Variants in KIF5C observed in about 807,000 individuals in gnomAD.
KIF5C encodes kinesin family member 5C, also known as kinesin heavy chain isoform 5C.
Under a neutral mutation model 125.2 loss-of-function variants are expected in KIF5C, and 18 were observed. The observed-to-expected ratio is 0.14, with a 90% CI of 0.10 to 0.21. The LOEUF is 0.21. Ranked by LOEUF, KIF5C falls within the 10% of genes least tolerant of loss-of-function variation. The pLI is 1.00. For missense variants in KIF5C, 780 were observed against 1,183.8 expected (o/e 0.66, Z 5.01); for synonymous variants, 405 against 434.0 (o/e 0.93, Z 0.83).
In KIF5C at chr2:149,000,531, G is replaced by T. The variant is rs762208643; in HGVS notation, c.2312+7G>T. On this transcript the variant is annotated splice_region_variant and intron_variant, in intron 20 of 25. Transcript: ENST00000435030. ...TGAAGCTGGAAAAGCTCTTGTGAGT[G>T]CACTCTAAATATTTCCTCTATTTTC... 12 of 1,556,632 alleles carry T rather than the reference G, an allele frequency of 7.7e-6. No individual in the cohort carries two copies. In the South Asian group the frequency reaches 8.3e-5, roughly 11 times the overall value.
chr2:148,881,719 C>CAGGTTTCCCACCTGTG (rs1558869803), intron 1 of KIF5C, among the ~76,000 whole-genome samples: 1 of 151,612 alleles, frequency 6.6e-6, no homozygotes, highest in African/African-American at 2.4e-5. Context: ...GTCCTTACCT[C>CAGGTTTCCCACCTGTG]TAAATCATCG....
chr2:148,880,928 AGAT>A (rs1349718054), intron 1 of KIF5C, among the ~76,000 whole-genome samples: 1 of 150,132 alleles, frequency 6.7e-6, no homozygotes, highest in African/African-American at 2.5e-5. Context: ...AACCGAGTGT[AGAT>A]TCACTAGCTA....
In KIF5C at chr2:149,010,285, G is replaced by A. The variant is rs1351733624; in HGVS notation, c.2701G>A (p.Val901Met). The A allele has an allele frequency of 1.3e-6, 2 of 1,597,068 alleles. No individual in the cohort carries two copies. Among genetic ancestry groups the A allele is most frequent in the Admixed American group, 3.5e-5 (2 of 57,818 alleles). The change falls in exon 24 of 26, where the codon GTG becomes ATG. Residue 901 changes from valine (V) to methionine (M), a missense_variant. Around this residue, in one of 2 missense-constraint regions of KIF5C, gnomAD observed 573 missense variants for 742.6 expected, o/e 0.77. Coordinates refer to ENST00000435030, the MANE Select transcript of KIF5C (RefSeq NM_004522.3). Reference sequence around the variant, plus strand: ...GGACCGTAAGCGCTACCAGCAGGAGGTGGATCGTATCAAGGAGGCCGTGCG... The same window carrying A: ...GGACCGTAAGCGCTACCAGCAGGAGATGGATCGTATCAAGGAGGCCGTGCG... ...MRDRKRYQQE[V>M]DRIKEAVRAK...
intron 3 of KIF5C, among the ~76,000 whole-genome samples, chr2:148,934,112 CACATA>C (rs1682235614): frequency 6.6e-6 from 1 of 150,978 alleles, no homozygotes; most frequent in African/African-American, 2.4e-5. Flanking sequence ...ACAGACACAC[CACATA>C]ACATACTGCA....
rs917733682 is a variant in KIF5C at position 149,026,686 on chromosome 2, G to A, written c.*3616G>A. The A allele has an allele frequency of 6.6e-6, 1 of 152,576 alleles. No homozygotes were observed. The highest frequency in any genetic ancestry group is 2.4e-5 in the African/African-American group (1 of 41,418). 9.5% of individuals were successfully genotyped at this position (152,576 alleles called of 1,614,324 possible). On this transcript the variant is annotated 3_prime_UTR_variant, in exon 26 of 26. Transcript: ENST00000435030. ...CTAGGTTCTAAAATGAAGATGTATG[G>A]GTACTCTGGCAGACTGCATGTTGTA...
chr2:148,935,881 AG>A (rs1682279769), intron 3 of KIF5C, among the ~76,000 whole-genome samples: 1 of 152,218 alleles, frequency 6.6e-6, no homozygotes, highest in Non-Finnish European at 1.5e-5. Context: ...CCCTATCTTT[AG>A]GAAGTATGCA....
chr2:149,004,375 C>T (rs1174970863), intron 21 of KIF5C, among the ~76,000 whole-genome samples: 1 of 152,178 alleles, frequency 6.6e-6, no homozygotes, highest in East Asian at 1.9e-4. Flanking sequence ...TTAGCTCTCT[C>T]CTCTTCCTCT....
chr2:148,899,545 T>C (rs922811173), intron 1 of KIF5C, among the ~76,000 whole-genome samples: 1 of 151,178 alleles, frequency 6.6e-6, no homozygotes, highest in Non-Finnish European at 1.5e-5. Context: ...CTACTAAAAA[T>C]ACAAAAAATC....
intron 7 of KIF5C, among the ~76,000 whole-genome samples, chr2:148,945,310 T>G (rs1380680329): frequency 6.6e-6 from 1 of 152,174 alleles, no homozygotes; most frequent in African/African-American, 2.4e-5. Flanking sequence ...AATTTTTGCA[T>G]GTACTCTAAG....
chr2:148,913,665 T>C (rs1324864482), intron 1 of KIF5C, among the ~76,000 whole-genome samples: 2 of 152,184 alleles, frequency 1.3e-5, no homozygotes, highest in Non-Finnish European at 2.9e-5. Flanking sequence ...AGCGCCATCA[T>C]GAGACTCAGC....
At chr2:148,955,345 A>G (rs1682767007) in intron 10 of KIF5C, among the ~76,000 whole-genome samples, 1 of 152,206 alleles carries the variant, frequency 6.6e-6, no homozygotes, top group Non-Finnish European at 1.5e-5. Context: ...AGCACTTACA[A>G]TCAGCTGACT....
Position 148,875,609 on chromosome 2 carries a change from C to A in KIF5C, c.-9C>A. On this transcript the variant is annotated 5_prime_UTR_variant, in exon 1 of 26. Transcript: ENST00000435030. ...CCATCCCCGTGCCCCCTCCCTACCGCCGGCCGAGATGGCGGATCCAGCCGA... is the reference window on the plus strand; with the variant it reads ...CCATCCCCGTGCCCCCTCCCTACCGACGGCCGAGATGGCGGATCCAGCCGA... 6.5e-7 allele frequency: 1 copy of A among 1,543,454 alleles called. No homozygotes were observed. Among genetic ancestry groups the A allele is most frequent in the Non-Finnish European group, 8.7e-7 (1 of 1,143,932 alleles).
At chr2:148,954,887 A>G (rs78948179) in intron 10 of KIF5C, among the ~76,000 whole-genome samples, 1 of 152,138 alleles carries the variant, frequency 6.6e-6, no homozygotes, top group Non-Finnish European at 1.5e-5. Context: ...CTACACTTTG[A>G]CATGAAAGAA....
chr2:148,948,679 C>G (rs891369380), intron 8 of KIF5C, among the ~76,000 whole-genome samples: 3 of 120,818 alleles, frequency 2.5e-5, no homozygotes, highest in African/African-American at 1.1e-4. Context: ...GTTCCCGTCT[C>G]CCCTGAATGG....
rs766711429 is a variant in KIF5C at position 148,924,407 on chromosome 2, T to C, written c.217+2180T>C. Among the ~76,000 whole-genome samples, 1 of 152,188 alleles carries C rather than the reference T, an allele frequency of 6.6e-6. No individual in the cohort carries two copies. Among genetic ancestry groups the C allele is most frequent in the Non-Finnish European group, 1.5e-5 (1 of 68,026 alleles). On this transcript the variant is annotated intron_variant, in intron 2 of 25. Coordinates refer to ENST00000435030, the MANE Select transcript of KIF5C (RefSeq NM_004522.3). This position sits in a 1 kb window ranked among gnomAD's most constrained non-coding sequence, Gnocchi z 4.0. ...CAAGTCCATCTAAACTCTTAATGAT[T>C]TGGAGCATCTGGGAGGCTCCATTTA...
At chr2:148,965,582 C>T (rs1452190737) in intron 11 of KIF5C, among the ~76,000 whole-genome samples, 1 of 152,142 alleles carries the variant, frequency 6.6e-6, no homozygotes, top group East Asian at 1.9e-4. Context: ...ATGGAGGGGG[C>T]AGAGCTACCT....
At chr2:148,980,536 A>G (rs987216831) in intron 13 of KIF5C, among the ~76,000 whole-genome samples, 3 of 152,186 alleles carry the variant, frequency 2.0e-5, no homozygotes, top group East Asian at 1.9e-4. Context: ...GTTAAAAAAA[A>G]GGTGACTGAC....
At chr2:148,963,120 T>C (rs1435721480) in intron 11 of KIF5C, among the ~76,000 whole-genome samples, 1 of 151,984 alleles carries the variant, frequency 6.6e-6, no homozygotes, top group Non-Finnish European at 1.5e-5. Flanking sequence ...ATTATTTTAG[T>C]GATTTTAGCA....
At chr2:149,016,914 G>A (rs755567101) in intron 25 of KIF5C, among the ~76,000 whole-genome samples, 7 of 152,098 alleles carry the variant, frequency 4.6e-5, no homozygotes, top group Non-Finnish European at 7.4e-5. Flanking sequence ...GAAAAGAGGT[G>A]GCACCAGCAG....
Sources: allele counts gnomAD v4.1 joint callset (sites outside exome capture counted in the v4.1 genomes callset), GRCh38; gene constraint gnomAD v4.1.1; regional missense constraint gnomAD v4.1.1; non-coding constraint Gnocchi (gnomAD v3.1); transcripts MANE v1.5; gene names NCBI Gene and HGNC (gene_info 2026-07-23, HGNC 2026-07-21).